The following TSEN2 variants were observed in gnomAD, a reference collection of about 807,000 sequenced individuals.
The protein encoded by TSEN2 is tRNA splicing endonuclease subunit 2.
A neutral mutation model predicts 59.2 loss-of-function variants in TSEN2; 54 were observed. The ratio of observed to expected loss-of-function variants is 0.91; its 90% CI spans 0.73 to 1.14. TSEN2 has a LOEUF of 1.14. Among genes scored for constraint, TSEN2 ranks in the 50% most tolerant of loss-of-function variants. The probability of loss-of-function intolerance (pLI) is 0.00; values close to 1 mark genes in which losing one functional copy is unlikely to be tolerated. For missense variants in TSEN2, 636 were observed against 576.2 expected (o/e 1.10, Z -1.06); for synonymous variants, 195 against 198.2 (o/e 0.98, Z 0.14).
In TSEN2 at chr3:12,532,680, T is replaced by A; in HGVS notation, c.1357T>A (p.Trp453Arg). ...IKVQEVILSR[W>R]VSSRERSDQD... The stretch of plus-strand genomic sequence containing the variant: ...GTTGTAGGAGGTGATTCTGAGTCGA[T>A]GGGTTTCTTCACGAGAGAGGAGTGA... The change falls in exon 12 of 12, where the codon TGG becomes AGG. Residue 453 changes from tryptophan to arginine, a missense_variant. Transcript: ENST00000284995. 6.2e-7 allele frequency: 1 copy of A among 1,614,136 alleles called. No homozygotes were observed. Among genetic ancestry groups the A allele is most frequent in the South Asian group, 1.1e-5 (1 of 91,082 alleles).
chr3:12,515,870 A>G (rs1489952863), intron 6 of TSEN2, among the ~76,000 whole-genome samples: 1 of 149,682 alleles, frequency 6.7e-6, no homozygotes, highest in Non-Finnish European at 1.5e-5. Flanking sequence ...CACTTTTCAC[A>G]CCTTTTTTTT....
chr3:12,487,717 A>G (rs55713542), intron 1 of TSEN2, among the ~76,000 whole-genome samples: 97,335 of 151,482 alleles, frequency 0.64, 33,832 homozygotes, highest in African/African-American at 0.91. Flanking sequence ...ATAATTTAGT[A>G]CTTGGGCTGA....
At chr3:12,539,225 C>T (rs2057754769) in exon 11 of TSEN2, 1 of 411,136 alleles carries the variant, frequency 2.4e-6, no homozygotes, top group Admixed American at 3.2e-5. Context: ...CCTCTGCCTG[C>T]TGGGTTTAAG....
Position 12,503,276 on chromosome 3 carries a change from T to C in TSEN2, c.323T>C (p.Val108Ala). ...CTGTCTTGCAGGTATCAGCATAGTG[T>C]TGAGTGGGCAGCAGAGCTGATGCGT... ...IITSKRYQHS[V>A]EWAAELMRRQ... Residue 108 changes from valine (V) to alanine (A), a missense_variant, in exon 5 of 12, where the codon GTT becomes GCT. By Grantham distance (64) the Val-to-Ala change is moderately conservative. Coordinates refer to ENST00000284995, the MANE Select transcript of TSEN2 (RefSeq NM_025265.4). The C allele has an allele frequency of 2.5e-6, 4 of 1,614,094 alleles. No individual in the cohort carries two copies. Among genetic ancestry groups the C allele is most frequent in the Non-Finnish European group, 3.4e-6 (4 of 1,180,028 alleles).
intron 4 of TSEN2, among the ~76,000 whole-genome samples, chr3:12,500,982 A>G (rs772280015): frequency 6.6e-6 from 1 of 152,208 alleles, no homozygotes; most frequent in Non-Finnish European, 1.5e-5. Context: ...GAATTTGGCA[A>G]AAGTTTTGGG....
chr3:12,487,004 A>G (rs1367414746), intron 1 of TSEN2, among the ~76,000 whole-genome samples: 1 of 152,200 alleles, frequency 6.6e-6, no homozygotes, highest in Non-Finnish European at 1.5e-5. Context: ...ACATTCACAT[A>G]CAAATTTTTC....
At position 12,503,540 on chromosome 3, in the gene TSEN2, G is replaced by T. The variant is rs143243952; in HGVS notation, c.587G>T (p.Gly196Val). The T allele has an allele frequency of 1.4e-4, 228 of 1,612,012 alleles. 1 individual carries two copies. The highest frequency in any genetic ancestry group is 9.7e-4 in the African/African-American group (73 of 75,002). Residue 196 changes from glycine (G) to valine (V), a missense_variant, in exon 5 of 12, where the codon GGC (glycine) becomes GTC (valine). Transcript: ENST00000284995. ...GAGCCATTAGGCTGCCTGCAGGAGG[G>T]CTCTGGCTGCCACCCAACAACAGAG... The part of the protein sequence containing the change: ...PREPLGCLQE[G>V]SGCHPTTESF...
intron 6 of TSEN2, chr3:12,511,065 T>G (rs1259506491): frequency 6.6e-6 from 1 of 152,182 alleles, no homozygotes; most frequent in African/African-American, 2.4e-5. Flanking sequence ...AACTGCAGTT[T>G]TGCCATTTGT....
chr3:12,529,071 C>T (rs924554503), intron 9 of TSEN2, 147 bp downstream of exon 9: 2 of 787,570 alleles, frequency 2.5e-6, no homozygotes, highest in Admixed American at 1.9e-5. Flanking sequence ...TGCCTCCTTA[C>T]ACACTAATGT....
intron 3 of TSEN2, among the ~76,000 whole-genome samples, chr3:12,494,358 T>C (rs2053530139): frequency 6.6e-6 from 1 of 152,226 alleles, no homozygotes; most frequent in Admixed American, 6.5e-5. Context: ...CTGTGGTTTA[T>C]CTAAAAAGAT....
intron 3 of TSEN2, 80 bp from the exon 4 acceptor site, chr3:12,496,438 T>G: frequency 6.9e-7 from 1 of 1,457,502 alleles, no homozygotes; most frequent in Non-Finnish European, 9.6e-7. Context: ...ATCTTAAAAT[T>G]CTCAGTCTTT....
At chr3:12,505,752 C>T (rs551590315) in intron 6 of TSEN2, among the ~76,000 whole-genome samples, 18 of 147,746 alleles carry the variant, frequency 1.2e-4, no homozygotes, top group African/African-American at 4.3e-4. Flanking sequence ...CCATTGCACT[C>T]CAGCCTGGGT....
rs1052849982 is a variant in TSEN2 at position 12,503,565 on chromosome 3, G to C, written c.612G>C (p.Glu204Asp). Reference sequence around the variant, plus strand: ...GCTCTGGCTGCCACCCAACAACAGAGAGCTTTGAGAAAAGCGTGCGAGAGG... The same window carrying C: ...GCTCTGGCTGCCACCCAACAACAGACAGCTTTGAGAAAAGCGTGCGAGAGG... ...QEGSGCHPTT[E>D]SFEKSVREDA... is the part of the protein sequence containing the mutation. Residue 204 changes from glutamate (E) to aspartate (D), a missense_variant, in exon 5 of 12, where the codon GAG becomes GAC. Transcript: ENST00000284995. 2 of 1,607,068 alleles carry C rather than the reference G, an allele frequency of 1.2e-6. No individual in the cohort carries two copies. Among genetic ancestry groups the C allele is most frequent in the African/African-American group, 2.7e-5 (2 of 74,668 alleles).
chr3:12,534,337 A>G (rs766774564), downstream of TSEN2, among the ~76,000 whole-genome samples: 6 of 152,196 alleles, frequency 3.9e-5, no homozygotes, highest in Non-Finnish European at 8.8e-5. Flanking sequence ...TTGGCTTTTA[A>G]TTCCCCAGAG....
At chr3:12,519,223 G>C in intron 8 of TSEN2, 26 bp downstream of exon 8, 1 of 1,614,076 alleles carries the variant, frequency 6.2e-7, no homozygotes, top group East Asian at 2.2e-5. Context: ...CGTGGTGTGT[G>C]TGAGAATAGA....
At chr3:12,487,433 A>G (rs1373148177) in intron 1 of TSEN2, among the ~76,000 whole-genome samples, 2 of 152,246 alleles carry the variant, frequency 1.3e-5, no homozygotes, top group East Asian at 1.9e-4. Flanking sequence ...GAGGCAGACT[A>G]AAATACAACT....
intron 8 of TSEN2, among the ~76,000 whole-genome samples, chr3:12,520,675 AG>A (rs2125175069): frequency 6.6e-6 from 1 of 152,044 alleles, no homozygotes; most frequent in Non-Finnish European, 1.5e-5. Flanking sequence ...TTGTAATCCC[AG>A]CTATTTGGGA....
At chr3:12,528,775 T>A in intron 8 of TSEN2, 113 bp from the exon 9 acceptor site, 1 of 1,058,554 alleles carries the variant, frequency 9.4e-7, no homozygotes, top group Admixed American at 1.9e-5. Context: ...GATTATTGAG[T>A]ATTTGCTTCC....
chr3:12,513,791 G>T (rs185732837), intron 6 of TSEN2, among the ~76,000 whole-genome samples: 48 of 152,358 alleles, frequency 3.2e-4, no homozygotes, highest in African/African-American at 1.1e-3. Context: ...AGTAGTGAGT[G>T]ATGGAAAGAG....
Sources: gnomAD v4.1 joint callset for allele counts (sites outside exome capture counted in the v4.1 genomes callset) on GRCh38, gnomAD v4.1.1 for gene constraint, MANE v1.5 for transcripts, NCBI Gene and HGNC (gene_info 2026-07-23, HGNC 2026-07-21) for gene names.